Variants in CRHR1 observed in about 807,000 individuals in gnomAD.
CRHR1 encodes corticotropin-releasing hormone receptor 1.
Under a neutral mutation model 56.0 loss-of-function variants are expected in CRHR1, and 28 were observed. The observed-to-expected ratio is 0.50, with a 90% confidence interval of 0.37 to 0.69. The LOEUF is 0.69. Ranked by LOEUF, CRHR1 falls within the 30% of genes least tolerant of loss-of-function variation. CRHR1 has a pLI of 0.00. For missense variants in CRHR1, 376 were observed against 548.0 expected, an observed-to-expected ratio of 0.69 and a Z score of 3.13; for synonymous variants, 195 against 216.5, an observed-to-expected ratio of 0.90 and a Z score of 0.87.
At chr17:45,805,877 T>C (rs980648557) in intron 1 of CRHR1, among the ~76,000 whole-genome samples, 1 of 152,236 alleles carries the variant, frequency 6.6e-6, no homozygotes, top group Non-Finnish European at 1.5e-5. Context: ...AACATATCCT[T>C]CTTGAGTGCC....
chr17:45,817,958 G>A (rs564800332), intron 3 of CRHR1, among the ~76,000 whole-genome samples: 10 of 152,286 alleles, frequency 6.6e-5, no homozygotes, highest in Admixed American at 4.6e-4. Flanking sequence ...ATAACCTATC[G>A]GAGGTCGCAG....
At chr17:45,795,345 C>T (rs1362555542) in intron 1 of CRHR1, among the ~76,000 whole-genome samples, 1 of 152,220 alleles carries the variant, frequency 6.6e-6, no homozygotes, top group Non-Finnish European at 1.5e-5. Context: ...GGCAGGCAGG[C>T]AAGTGTCTTC....
intron 3 of CRHR1, among the ~76,000 whole-genome samples, 190 bp from the exon 4 acceptor site, chr17:45,821,165 A>G (rs1014242636): frequency 1.1e-4 from 17 of 152,192 alleles, no homozygotes; most frequent in Admixed American, 5.9e-4. Flanking sequence ...GCTGGAGGCC[A>G]ATGGGCAGAA....
intron 1 of CRHR1, among the ~76,000 whole-genome samples, chr17:45,805,415 C>G (rs1188472615): frequency 3.3e-5 from 5 of 152,278 alleles, no homozygotes; most frequent in African/African-American, 1.2e-4. Context: ...CCCTAGAAGT[C>G]TTTGCTCACC....
rs1481474473 is a variant in CRHR1, at chr17:45,820,663, T to C, written c.242-692T>C. 2.0e-5 allele frequency among the ~76,000 whole-genome samples: 3 copies of C among 152,172 alleles called. No individual in the cohort carries two copies. In the East Asian group the frequency reaches 5.8e-4, roughly 29 times the overall value. ...GTGATGACATCTCCCCACACACGCCTGTCACCTGTCATTTTCTGTCCAAGA... is the reference window on the plus strand; with the variant it reads ...GTGATGACATCTCCCCACACACGCCCGTCACCTGTCATTTTCTGTCCAAGA... On this transcript the variant is annotated intron_variant, in intron 3 of 12. Transcript: ENST00000314537.
intron 11 of CRHR1, 36 bp downstream of exon 11, chr17:45,833,885 G>T: frequency 6.2e-7 from 1 of 1,612,508 alleles, no homozygotes; most frequent in Non-Finnish European, 8.5e-7. Context: ...CACCTCCTTG[G>T]GTGGGGATTC....
At chr17:45,817,149 A>C (rs2143071563) in intron 3 of CRHR1, among the ~76,000 whole-genome samples, 1 of 152,294 alleles carries the variant, frequency 6.6e-6, no homozygotes, top group African/African-American at 2.4e-5. Context: ...GGTCCGTCGG[A>C]TACTTGATCC....
intron 2 of CRHR1, among the ~76,000 whole-genome samples, chr17:45,811,429 T>C (rs1046361630): frequency 1.3e-5 from 2 of 152,212 alleles, no homozygotes; most frequent in African/African-American, 4.8e-5. Flanking sequence ...TCTGTGCATG[T>C]ATGGGGAAGG....
chr17:45,833,711 C>T lies in CRHR1; in HGVS notation c.930-3C>T. On this transcript the variant is annotated splice_region_variant and splice_polypyrimidine_tract_variant and intron_variant, in intron 10 of 12. Coordinates refer to ENST00000314537, the MANE Select transcript of CRHR1 (RefSeq NM_004382.5). Reference sequence around the variant, plus strand: ...CCGAGCCTCCCCACCCGCCCCACCCCAGGAAGGCTGTGAAAGCCACTCTGG... The same window carrying T: ...CCGAGCCTCCCCACCCGCCCCACCCTAGGAAGGCTGTGAAAGCCACTCTGG... The T allele has an allele frequency of 6.2e-7, 1 of 1,610,028 alleles. No individual in the cohort carries two copies. The highest frequency in any genetic ancestry group is 1.3e-5 in the African/African-American group (1 of 74,922).
chr17:45,827,290 A>C (rs2066596590), intron 4 of CRHR1, among the ~76,000 whole-genome samples: 1 of 152,188 alleles, frequency 6.6e-6, no homozygotes, highest in African/African-American at 2.4e-5. Context: ...GGAAGGCAGC[A>C]CTGAAGGGTC....
chr17:45,816,736 T>C (rs28364025), intron 3 of CRHR1, among the ~76,000 whole-genome samples, 154 bp downstream of exon 3: 22,105 of 152,288 alleles, frequency 0.15, 2,161 homozygotes, highest in Middle Eastern at 0.22. Context: ...TGTATTCTCC[T>C]GGGTGCCCTG....
In CRHR1 at chr17:45,829,367, G is replaced by A. The variant is rs765596407; in HGVS notation, c.434+46G>A. 11 of 1,546,876 alleles carry A rather than the reference G, an allele frequency of 7.1e-6. No homozygotes were observed. The South Asian group carries it at 9.1e-5, about 13-fold the overall frequency. ...CCTCCTCCTGTCCCCAGGACCTAGA[G>A]CAGAAGCAGGGTGGAGAAGTGAGAG... On this transcript the variant is annotated intron_variant, in intron 5 of 12. Transcript: ENST00000314537.
chr17:45,800,735 C>G (rs537722535), intron 1 of CRHR1: 1 of 152,386 alleles, frequency 6.6e-6, no homozygotes, highest in South Asian at 2.1e-4. Flanking sequence ...AAGGCCAGTG[C>G]GGTCCCTGAC....
rs1373198156 is a variant in CRHR1, at chr17:45,813,817, G to A, written c.122-2646G>A. ...ATTAGCACCCATGGTGGCATAGTAG[G>A]TGGCTGGGAACCATACCACAGAGGA... On this transcript the variant is annotated intron_variant, in intron 2 of 12. Coordinates refer to ENST00000314537, the MANE Select transcript of CRHR1 (RefSeq NM_004382.5). 2.6e-5 allele frequency among the ~76,000 whole-genome samples: 4 copies of A among 152,242 alleles called. No individual in the cohort carries two copies. In the East Asian group the frequency reaches 7.7e-4, roughly 29 times the overall value.
At chr17:45,834,529 A>G (rs2143287439) in intron 12 of CRHR1, 95 bp from the exon 13 acceptor site, 1 of 1,447,016 alleles carries the variant, frequency 6.9e-7, no homozygotes, top group East Asian at 2.4e-5. Context: ...TGACCTGCAC[A>G]GCCGCTTACC....
At position 45,816,582 on chromosome 17, in the gene CRHR1, A is replaced by G. The variant is rs922569051; in HGVS notation, c.241A>G (p.Asn81Asp). ...FFYGVRYNTT[N>D]NGYRECLANG... ...CTATGGTGTCCGCTACAATACCACA[A>G]GTAAGGAAGAAGTGGAGGGTGGACC... Residue 81 changes from asparagine (N) to aspartate (D), a missense_variant and splice_region_variant, in exon 3 of 13, where the codon AAC becomes GAC. This residue lies in a region of CRHR1 where 369 missense variants were observed against 519.5 expected (regional missense o/e 0.71). Coordinates refer to ENST00000314537, the MANE Select transcript of CRHR1 (RefSeq NM_004382.5). 13 of 1,613,904 alleles carry G rather than the reference A, an allele frequency of 8.1e-6. No individual in the cohort carries two copies. The African/African-American group carries it at 1.7e-4, about 22-fold the overall frequency.
At chr17:45,791,652 C>T (rs895552855) in intron 1 of CRHR1, among the ~76,000 whole-genome samples, 1 of 151,936 alleles carries the variant, frequency 6.6e-6, no homozygotes, top group Non-Finnish European at 1.5e-5. Flanking sequence ...TGCCCGAAGC[C>T]GTCCTCAGCT....
At chr17:45,815,842 C>G (rs2061916375) in intron 2 of CRHR1, among the ~76,000 whole-genome samples, 1 of 152,234 alleles carries the variant, frequency 6.6e-6, no homozygotes, top group Non-Finnish European at 1.5e-5. Flanking sequence ...CTCTCCATAG[C>G]TCACTTCTCC....
At chr17:45,813,697 C>T (rs1598424170) in intron 2 of CRHR1, among the ~76,000 whole-genome samples, 1 of 152,224 alleles carries the variant, frequency 6.6e-6, no homozygotes, top group South Asian at 2.1e-4. Flanking sequence ...CATTGAAAAT[C>T]CACTCCCGTC....
Sources: allele counts gnomAD v4.1 joint callset (sites outside exome capture counted in the v4.1 genomes callset), GRCh38; gene constraint gnomAD v4.1.1; regional missense constraint gnomAD v4.1.1; transcripts MANE v1.5; gene names NCBI Gene and HGNC (gene_info 2026-07-23, HGNC 2026-07-21).